Variants in CDH26 observed in about 807,000 individuals in gnomAD.
CDH26 encodes cadherin-like protein 26.
In CDH26, 83 loss-of-function variants were observed where a neutral mutation model predicts 90.3. That is an observed-to-expected ratio of 0.92 (90% CI 0.77 to 1.10). CDH26 has a LOEUF of 1.10. CDH26 is among the 50% of genes least tolerant of loss of function. The probability of loss-of-function intolerance (pLI) is 0.00; values close to 1 mark genes in which losing one functional copy is unlikely to be tolerated. For synonymous variants in CDH26, 397 were observed against 396.3 expected, an observed-to-expected ratio of 1.00 and a Z score of -0.02; for missense variants, 1,013 against 1,037.6, an observed-to-expected ratio of 0.98 and a Z score of 0.33.
In CDH26 at chr20:60,012,512, C is replaced by T; in HGVS notation, c.2296-15C>T. The T allele has an allele frequency of 6.2e-7, 1 of 1,608,072 alleles. No homozygotes were observed. The highest frequency in any genetic ancestry group is 8.5e-7 in the Non-Finnish European group (1 of 1,176,676). On this transcript the variant is annotated splice_polypyrimidine_tract_variant and intron_variant, in intron 17 of 17. Transcript: ENST00000348616. ...CACATGGCATTTACCTTCTCTTTCC[C>T]CCACTTTTCCCCAGAAACTCCATGT...
chr20:60,005,203 A>G (rs1454918208), intron 16 of CDH26, among the ~76,000 whole-genome samples: 2 of 152,202 alleles, frequency 1.3e-5, no homozygotes, highest in Non-Finnish European at 2.9e-5. Flanking sequence ...CATATGACAT[A>G]CAAAATGTGC....
At chr20:60,033,641 G>A (rs2122804070) in exon 9 of CDH26, 4 of 1,304,722 alleles carry the variant, frequency 3.1e-6, no homozygotes, top group East Asian at 5.5e-5. Context: ...AGGAGAATCG[G>A]CAGGTGGTCA....
At chr20:60,023,381 G>A (rs186670776) in intron 7 of CDH26, among the ~76,000 whole-genome samples, 4 of 152,314 alleles carry the variant, frequency 2.6e-5, no homozygotes, top group East Asian at 1.9e-4. Flanking sequence ...ACCGAAGCAC[G>A]TGGCCTTGGC....
chr20:59,972,166 C>G (rs769164609), intron 4 of CDH26, 43 bp downstream of exon 4: 1 of 1,570,290 alleles, frequency 6.4e-7, no homozygotes, highest in South Asian at 1.1e-5. Flanking sequence ...TTTAAAAGCT[C>G]TTGCAAGACT....
chr20:60,020,369 C>G (rs921860939), intron 7 of CDH26, among the ~76,000 whole-genome samples: 5 of 152,190 alleles, frequency 3.3e-5, no homozygotes, highest in Non-Finnish European at 5.9e-5. Flanking sequence ...CTGCTTAGTG[C>G]CTCAGGGACC....
chr20:59,980,809 T>G (rs1481210033), intron 4 of CDH26, among the ~76,000 whole-genome samples: 2 of 152,212 alleles, frequency 1.3e-5, no homozygotes, highest in Non-Finnish European at 2.9e-5. Flanking sequence ...CTGGATCATG[T>G]TTTTGGTGGT....
chr20:60,002,796 T>C lies in CDH26; in HGVS notation c.2167-17T>C, dbSNP rs757161726. ...GTAATTTATTTGAAATCAGTAAATA[T>C]TTCATCTTTCTTTAAGGGTTATGGC... On this transcript the variant is annotated splice_polypyrimidine_tract_variant and intron_variant, in intron 15 of 17. Transcript: ENST00000348616. 79 of 1,580,478 alleles carry C rather than the reference T, an allele frequency of 5.0e-5. No individual in the cohort carries two copies. The highest frequency in any genetic ancestry group is 6.8e-5 in the Non-Finnish European group (79 of 1,160,812).
intron 16 of CDH26, among the ~76,000 whole-genome samples, 191 bp downstream of exon 16, chr20:60,003,057 G>A (rs1156482715): frequency 3.3e-5 from 5 of 152,174 alleles, no homozygotes; most frequent in Admixed American, 2.0e-4. Flanking sequence ...CATTTATCCC[G>A]TGACTCGAGG....
intron 3 of CDH26, 97 bp downstream of exon 3, chr20:59,970,283 G>T: frequency 6.7e-7 from 1 of 1,502,554 alleles, no homozygotes; most frequent in South Asian, 1.3e-5. Context: ...TTATGTGCTA[G>T]TGAGGCCAGG....
At chr20:59,968,136 C>T (rs1448008173) in intron 1 of CDH26, among the ~76,000 whole-genome samples, 6 of 149,636 alleles carry the variant, frequency 4.0e-5, no homozygotes, top group African/African-American at 1.2e-4. Context: ...CTTGCTCTGT[C>T]GCCCAGGCTG....
intron 16 of CDH26, among the ~76,000 whole-genome samples, chr20:60,004,413 G>C (rs367910180): frequency 6.6e-6 from 1 of 152,066 alleles, no homozygotes; most frequent in African/African-American, 2.4e-5. Flanking sequence ...CTACAAACCC[G>C]TACAGCATGT....
rs1430348722 is a variant in CDH26, at chr20:59,996,663, G to T, written c.1921G>T (p.Val641Leu). Residue 641 changes from valine (V) to leucine (L), a missense_variant, in exon 13 of 18, where the codon GTG (valine) becomes TTG (leucine). Coordinates refer to ENST00000348616, the MANE Select transcript of CDH26 (RefSeq NM_177980.4). The part of the protein sequence containing the change: ...ALLFLLRCYF[V>L]LEPKRHGCSV... ...GCTTTTTCTGTTGCGATGCTATTTT[G>T]TGCTTGAACCTAAGAGGCATGGATG... The T allele has an allele frequency of 2.5e-6, 4 of 1,614,154 alleles. No individual in the cohort carries two copies. The highest frequency in any genetic ancestry group is 3.4e-6 in the Non-Finnish European group (4 of 1,180,028).
At chr20:59,976,127 G>A (rs906982029) in intron 4 of CDH26, among the ~76,000 whole-genome samples, 13 of 152,036 alleles carry the variant, frequency 8.6e-5, no homozygotes, top group African/African-American at 2.7e-4. Context: ...ATGCAGTAGC[G>A]ATTTTGTGTT....
At chr20:59,974,628 C>T (rs1449191033) in intron 4 of CDH26, among the ~76,000 whole-genome samples, 1 of 152,122 alleles carries the variant, frequency 6.6e-6, no homozygotes, top group Non-Finnish European at 1.5e-5. Context: ...GCTTGGAGCT[C>T]CCTGGCTAGG....
At chr20:60,020,238 G>A (rs1436485310) in intron 7 of CDH26, among the ~76,000 whole-genome samples, 4 of 152,202 alleles carry the variant, frequency 2.6e-5, no homozygotes, top group Non-Finnish European at 5.9e-5. Context: ...TCAGGCCTGG[G>A]ACAGGGACAC....
chr20:60,031,071 C>CTA (rs2062036348), intron 7 of CDH26, among the ~76,000 whole-genome samples: 1 of 152,122 alleles, frequency 6.6e-6, no homozygotes, highest in African/African-American at 2.4e-5. Flanking sequence ...GTGGGTTATT[C>CTA]ATGCTTCCCC....
At position 59,985,018 on chromosome 20, in the gene CDH26, A is replaced by C; in HGVS notation, c.726A>C (p.Thr242=). The C allele has an allele frequency of 2.5e-6, 4 of 1,614,112 alleles. No homozygotes were observed. Among genetic ancestry groups the C allele is most frequent in the Middle Eastern group, 3.3e-4 (2 of 6,062 alleles). Residue 242 remains threonine (T), a synonymous_variant, in exon 7 of 18, where the codon ACA becomes ACC. Coordinates refer to ENST00000348616, the MANE Select transcript of CDH26 (RefSeq NM_177980.4). The part of the protein sequence containing the change: ...CLDYETAPQF[T]LLIRARDCGE... ...CCACATAGACCGCTCCTCAGTTTAC[A>C]CTGCTAATCAGAGCCAGGGACTGTG...
intron 15 of CDH26, among the ~76,000 whole-genome samples, 155 bp from the exon 16 acceptor site, chr20:60,002,658 T>C (rs930917924): frequency 1.3e-5 from 2 of 152,114 alleles, no homozygotes; most frequent in African/African-American, 2.4e-5. Context: ...GTGAAACTTG[T>C]TCATGAATTT....
At position 60,027,246 on chromosome 20, in the gene CDH26, G is replaced by A. The variant is rs139069339; in HGVS notation, c.948-3985G>A. On this transcript the variant is annotated intron_variant, in intron 7 of 8. Transcript: ENST00000370991. ...ATGGCTCAGGTGAAAAAGAAGGACAGTGGTGGGAGGGTGATGGTCATAGGG... is the reference window on the plus strand; with the variant it reads ...ATGGCTCAGGTGAAAAAGAAGGACAATGGTGGGAGGGTGATGGTCATAGGG... Among the ~76,000 whole-genome samples the A allele has an allele frequency of 2.6e-5, 4 of 152,286 alleles. No homozygotes were observed. In the East Asian group the frequency reaches 7.7e-4, roughly 29 times the overall value.
Sources: gnomAD v4.1 joint callset for allele counts (sites outside exome capture counted in the v4.1 genomes callset) on GRCh38, gnomAD v4.1.1 for gene constraint, MANE v1.5 for transcripts, NCBI Gene and HGNC (gene_info 2026-07-23, HGNC 2026-07-21) for gene names.